Variants in KDM4C observed in about 807,000 individuals in gnomAD.
The protein encoded by KDM4C is lysine demethylase 4C.
Under a neutral mutation model 129.3 loss-of-function variants are expected in KDM4C, and 81 were observed. The observed-to-expected ratio is 0.63, with a 90% CI of 0.52 to 0.75. The LOEUF (loss-of-function observed/expected upper bound fraction) is 0.75. Among genes scored for constraint, KDM4C ranks in the 30% least tolerant of loss-of-function variants. The pLI is 0.00. For synonymous variants in KDM4C, 573 were observed against 456.1 expected, an observed-to-expected ratio of 1.26 and a Z score of -3.26; for missense variants, 1,457 against 1,304.0, an observed-to-expected ratio of 1.12 and a Z score of -1.81.
chr9:6,968,672 C>T (rs1004218868), intron 8 of KDM4C, among the ~76,000 whole-genome samples: 2 of 152,088 alleles, frequency 1.3e-5, no homozygotes, highest in African/African-American at 4.8e-5. Context: ...AATAGGCTTC[C>T]AAAAACCTTT....
chr9:7,055,408 A>G (rs1213000126), intron 17 of KDM4C, among the ~76,000 whole-genome samples: 2 of 152,214 alleles, frequency 1.3e-5, no homozygotes, highest in African/African-American at 4.8e-5. Context: ...AAGTGAACAA[A>G]GCCCAGGCAC....
chr9:7,003,634 C>T (rs977739317), intron 12 of KDM4C, among the ~76,000 whole-genome samples: 4 of 152,138 alleles, frequency 2.6e-5, no homozygotes, highest in African/African-American at 9.7e-5. Flanking sequence ...GTAGAATTCT[C>T]TGCTATCCAT....
chr9:6,735,058 CCAAAGTT>C lies in KDM4C; in HGVS notation c.49+14066_49+14072del, dbSNP rs1817482642. Reference sequence around the variant, plus strand: ...TCTCATGGGTGGTCAAAGAGATGCTCCAAAGTTCAAATCTTCATGGTTCCAGCAGCCT... The same window carrying C: ...TCTCATGGGTGGTCAAAGAGATGCTCCAAATCTTCATGGTTCCAGCAGCCT... On this transcript the variant is annotated intron_variant, in intron 1 of 17. Coordinates refer to the KDM4C transcript ENST00000536108. The C allele has an allele frequency of 1.8e-4, 82 of 453,028 alleles. 3 individuals carry two copies. The highest frequency in any genetic ancestry group is 1.5e-3 in the South Asian group (81 of 54,892). 28.1% of individuals were successfully genotyped at this position (453,028 alleles called of 1,614,324 possible).
At chr9:6,988,668 C>G (rs904389128) in intron 11 of KDM4C, among the ~76,000 whole-genome samples, 2 of 150,836 alleles carry the variant, frequency 1.3e-5, no homozygotes, top group South Asian at 2.1e-4. Context: ...ATCCATCCAT[C>G]CATCCATCCA....
intron 1 of KDM4C, among the ~76,000 whole-genome samples, chr9:6,763,865 C>T (rs770443324): frequency 1.3e-5 from 2 of 152,180 alleles, no homozygotes; most frequent in African/African-American, 2.4e-5. Context: ...TCAAGCAATT[C>T]TCCTGCCTCA....
At chr9:7,011,325 C>T (rs1000111034) in intron 12 of KDM4C, among the ~76,000 whole-genome samples, 2 of 152,188 alleles carry the variant, frequency 1.3e-5, no homozygotes, top group African/African-American at 2.4e-5. Context: ...GTGAATTCCT[C>T]TCATAACTAG....
chr9:7,141,118 C>A (rs1346503865), intron 19 of KDM4C, among the ~76,000 whole-genome samples: 2 of 152,090 alleles, frequency 1.3e-5, no homozygotes, highest in South Asian at 2.1e-4. Context: ...GAGCAGAAGT[C>A]AAAGAGATTT....
chr9:6,909,742 C>G (rs1364624608), intron 8 of KDM4C, among the ~76,000 whole-genome samples: 1 of 151,800 alleles, frequency 6.6e-6, no homozygotes, highest in African/African-American at 2.4e-5. Flanking sequence ...TATTTGACAG[C>G]AAAAGAGGGT....
chr9:6,729,697 T>G (rs527378894), intron 1 of KDM4C, among the ~76,000 whole-genome samples: 1 of 135,262 alleles, frequency 7.4e-6, no homozygotes, highest in Non-Finnish European at 1.5e-5. Context: ...TAGTTGCTAA[T>G]GAGCTCTTGT....
intron 18 of KDM4C, among the ~76,000 whole-genome samples, chr9:7,117,497 C>A (rs1457193858): frequency 1.3e-5 from 2 of 151,852 alleles, no homozygotes; most frequent in African/African-American, 4.8e-5. Flanking sequence ...TGAGTAAATG[C>A]TTTCCTTCTC....
intron 15 of KDM4C, among the ~76,000 whole-genome samples, chr9:7,041,727 T>G (rs61567339): frequency 0.051 from 7,757 of 152,006 alleles, 218 homozygotes; most frequent in South Asian, 0.097. Flanking sequence ...TATTGCAGCT[T>G]TAGTTTGATT....
At chr9:7,086,332 A>G (rs983422975) in intron 17 of KDM4C, among the ~76,000 whole-genome samples, 1 of 152,188 alleles carries the variant, frequency 6.6e-6, no homozygotes, top group African/African-American at 2.4e-5. Flanking sequence ...TCTCATATAC[A>G]GTGATTGCCG....
intron 1 of KDM4C, among the ~76,000 whole-genome samples, chr9:6,751,731 T>C (rs1399535930): frequency 6.6e-6 from 1 of 152,154 alleles, no homozygotes; most frequent in African/African-American, 2.4e-5. Flanking sequence ...TTGTTCACAA[T>C]AGTCAGCTCA....
In KDM4C at chr9:7,103,847, C is replaced by T. The variant is rs1237660562; in HGVS notation, c.2587C>T (p.Arg863Ter). 7 of 1,613,934 alleles carry T rather than the reference C, an allele frequency of 4.3e-6. No homozygotes were observed. The highest frequency in any genetic ancestry group is 2.2e-5 in the East Asian group (1 of 44,864). Residue 863 changes from arginine to a stop codon, truncating the protein, a stop_gained, in exon 18 of 22, where the codon CGA becomes TGA. Coordinates refer to ENST00000381309, the MANE Select transcript of KDM4C (RefSeq NM_015061.6). LOFTEE classifies it high-confidence loss of function. ...WPYVVNITCF[R>*]HKVNPNVKSK... is the part of the protein sequence containing the mutation. The stretch of plus-strand genomic sequence containing the variant: ...TTATGTGGTGAACATTACATGCTTT[C>T]GACATAAGGTCAACCCCAACGTGGT...
chr9:6,983,701 A>G (rs1229562104), intron 9 of KDM4C, among the ~76,000 whole-genome samples: 1 of 152,192 alleles, frequency 6.6e-6, no homozygotes, highest in Non-Finnish European at 1.5e-5. Flanking sequence ...TGACAATTAT[A>G]CAAAACTCAA....
At chr9:7,047,050 A>T in intron 16 of KDM4C, 133 bp downstream of exon 16, 1 of 647,058 alleles carries the variant, frequency 1.5e-6, no homozygotes, top group Non-Finnish European at 2.7e-6. Flanking sequence ...CTGAGGTTGG[A>T]ATTCTGTGCT....
intron 8 of KDM4C, among the ~76,000 whole-genome samples, chr9:6,977,308 A>C (rs993998888): frequency 2.0e-5 from 3 of 152,158 alleles, no homozygotes; most frequent in African/African-American, 4.8e-5. Context: ...ATTCTTTTTA[A>C]ATTTTAAATA....
chr9:7,123,264 G>A (rs755670092), intron 18 of KDM4C, among the ~76,000 whole-genome samples: 1 of 152,162 alleles, frequency 6.6e-6, no homozygotes, highest in Non-Finnish European at 1.5e-5. Flanking sequence ...TATAAAGCCT[G>A]CATCACCTTC....
At chr9:6,930,534 A>G (rs1329850753) in intron 8 of KDM4C, among the ~76,000 whole-genome samples, 1 of 102,304 alleles carries the variant, frequency 9.8e-6, no homozygotes, top group East Asian at 2.1e-4. Context: ...ATATGAATAT[A>G]TGTGTTATAT....
Sources: allele counts gnomAD v4.1 joint callset (sites outside exome capture counted in the v4.1 genomes callset), GRCh38; gene constraint gnomAD v4.1.1; transcripts MANE v1.5; gene names NCBI Gene and HGNC (gene_info 2026-07-23, HGNC 2026-07-21).